Variants in NF1 observed in about 807,000 individuals in gnomAD.
NF1 encodes the protein neurofibromin 1.
Under a neutral mutation model 325.7 loss-of-function variants are expected in NF1, and 122 were observed. The ratio of observed to expected loss-of-function variants is 0.37; its 90% confidence interval spans 0.32 to 0.44. NF1 has a LOEUF of 0.44. NF1 is among the 20% of genes least tolerant of loss of function. The pLI is 1.00. For synonymous variants in NF1, 1,091 were observed against 1,186.0 expected (o/e 0.92, Z 1.65); for missense variants, 2,140 against 3,415.4 (o/e 0.63, Z 9.31).
rs1555536339 is a variant in NF1, at chr17:31,352,269, G to T, written c.7470G>T (p.Glu2490Asp). 6.2e-7 allele frequency: 1 copy of T among 1,613,986 alleles called. No individual in the cohort carries two copies. Among genetic ancestry groups the T allele is most frequent in the Non-Finnish European group, 8.5e-7 (1 of 1,179,976 alleles). ...HGDPSYRTLK[E>D]TQPWSSPKGS... ...TTTCATCTTTCAGGACACTAAAGGA[G>T]ACTCAGCCATGGTCCTCTCCCAAAG... Residue 2490 changes from glutamate to aspartate, a missense_variant, in exon 51 of 58, where the codon GAG (glutamate) becomes GAT (aspartate). By Grantham distance (45) the Glu-to-Asp change is conservative (BLOSUM62 2). Coordinates refer to ENST00000358273, the MANE Select transcript of NF1 (RefSeq NM_001042492.3).
At chr17:31,232,235 C>T (rs1175183732) in intron 25 of NF1, 46 bp downstream of exon 25, 2 of 1,131,426 alleles carry the variant, frequency 1.8e-6, no homozygotes, top group Non-Finnish European at 2.7e-6. Context: ...GCAAATAAAG[C>T]CCCCCACCAC....
intron 30 of NF1, chr17:31,250,629 A>T (rs941790935): frequency 5.1e-6 from 1 of 194,960 alleles, no homozygotes; most frequent in Non-Finnish European, 1.1e-5. Context: ...TGAGACCATG[A>T]TTCTAATAAT....
Position 31,265,340 on chromosome 17 carries a change from G to A in NF1, c.4835+1G>A, listed in dbSNP as rs1085307819. ...CTATTTTTTATTATGTTGCACGGAG[G>A]TAAGAAATACTATGTTTTGGGTCTC... On this transcript the variant is annotated splice_donor_variant, in intron 36 of 57. Transcript: ENST00000358273. LOFTEE classifies it high-confidence loss of function. The A allele has an allele frequency of 6.2e-7, 1 of 1,601,188 alleles. No homozygotes were observed. The highest frequency in any genetic ancestry group is 1.7e-5 in the Admixed American group (1 of 59,974).
chr17:31,170,037 G>C, intron 5 of NF1, 40 bp downstream of exon 5: 1 of 1,291,550 alleles, frequency 7.7e-7, no homozygotes. Context: ...AAAATCACTG[G>C]GTCAAAAACT....
intron 30 of NF1, chr17:31,252,392 G>T (rs1284546209): frequency 5.1e-6 from 1 of 197,716 alleles, no homozygotes; most frequent in South Asian, 1.9e-4. Flanking sequence ...AGAGAGAGAG[G>T]TCTTTAATTC....
At chr17:31,214,392 G>C (rs2143957530) in intron 12 of NF1, 59 bp from the exon 13 acceptor site, 1 of 1,338,760 alleles carries the variant, frequency 7.5e-7, no homozygotes, top group Non-Finnish European at 1.1e-6. Flanking sequence ...CTTTTAAAAG[G>C]TTGGATAGCT....
chr17:31,347,015 T>C (rs1269629104), intron 48 of NF1, among the ~76,000 whole-genome samples: 1 of 151,166 alleles, frequency 6.6e-6, no homozygotes, highest in Non-Finnish European at 1.5e-5. Flanking sequence ...ACTGTTCCTT[T>C]CTTTTATTGT....
At chr17:31,264,371 A>T (rs2067748919) in intron 35 of NF1, among the ~76,000 whole-genome samples, 1 of 151,768 alleles carries the variant, frequency 6.6e-6, no homozygotes. Flanking sequence ...AGATCGTGCC[A>T]CTGCACTCCA....
chr17:31,141,950 T>C (rs1160617039), intron 1 of NF1, among the ~76,000 whole-genome samples: 2 of 152,194 alleles, frequency 1.3e-5, no homozygotes, highest in Non-Finnish European at 2.9e-5. Context: ...TTGTTTTTTC[T>C]CTCATTTAGG....
chr17:31,122,727 C>T (rs148697406), intron 1 of NF1, among the ~76,000 whole-genome samples: 24 of 152,206 alleles, frequency 1.6e-4, no homozygotes, highest in African/African-American at 5.5e-4. Flanking sequence ...TTTGTAATCT[C>T]AATTGAAGGT....
rs1042950191 is a variant in NF1 at position 31,338,871 on chromosome 17, A to G, written c.6921+66A>G. Reference sequence around the variant, plus strand: ...TCAGTGTTGAATGTTACTTTCTTTCAAAGAGTTTAGAAAATAAGATGAATT... The same window carrying G: ...TCAGTGTTGAATGTTACTTTCTTTCGAAGAGTTTAGAAAATAAGATGAATT... On this transcript the variant is annotated intron_variant, in intron 46 of 57. Coordinates refer to ENST00000358273, the MANE Select transcript of NF1 (RefSeq NM_001042492.3). 12 of 1,028,912 alleles carry G rather than the reference A, an allele frequency of 1.2e-5. No individual in the cohort carries two copies. The African/African-American group carries it at 1.3e-4, about 11-fold the overall frequency. The allele number at this position is 1,028,912 out of a possible 1,614,324, so 63.7% of individuals were successfully genotyped here. A position where few individuals can be genotyped will look rare whatever the true frequency, so the allele number is the denominator to read the frequency against.
intron 29 of NF1, among the ~76,000 whole-genome samples, chr17:31,238,849 C>CGG (rs2067247178): frequency 1.3e-5 from 2 of 151,906 alleles, no homozygotes; most frequent in South Asian, 4.1e-4. Context: ...TCCCAGTTAA[C>CGG]GGGGAAACCC....
At chr17:31,200,118 A>C (rs1314977495) in intron 8 of NF1, among the ~76,000 whole-genome samples, 1 of 151,886 alleles carries the variant, frequency 6.6e-6, no homozygotes, top group East Asian at 1.9e-4. Flanking sequence ...CCTGGGCAAC[A>C]GAGGAAGACA....
At position 31,262,363 on chromosome 17, in the gene NF1, G is replaced by A. The variant is rs17886552; in HGVS notation, c.4724+506G>A. Among the ~76,000 whole-genome samples the A allele has an allele frequency of 3.2e-3, 487 of 152,292 alleles. 1 individual carries two copies. Among genetic ancestry groups the A allele is most frequent in the Non-Finnish European group, 5.0e-3 (342 of 68,010 alleles). On this transcript the variant is annotated intron_variant, in intron 35 of 57. Transcript: ENST00000358273. The stretch of plus-strand genomic sequence containing the variant: ...TGCTATAAAATTTCTGTGGACATTT[G>A]TTTGAATCCCATTTAGTGGGATTTA...
At chr17:31,101,855 G>A (rs1912369451) in intron 1 of NF1, among the ~76,000 whole-genome samples, 2 of 151,958 alleles carry the variant, frequency 1.3e-5, no homozygotes, top group African/African-American at 4.8e-5. Flanking sequence ...GCTTGGCTTT[G>A]TTTTCTTTTT....
At chr17:31,174,348 C>G in intron 5 of NF1, among the ~76,000 whole-genome samples, 1 of 152,130 alleles carries the variant, frequency 6.6e-6, no homozygotes, top group East Asian at 1.9e-4. Flanking sequence ...AAGGCACTTT[C>G]GTATGCTGCT....
intron 3 of NF1, among the ~76,000 whole-genome samples, chr17:31,160,913 G>C (rs575324713): frequency 6.6e-6 from 1 of 152,174 alleles, no homozygotes; most frequent in East Asian, 1.9e-4. Context: ...ATCTTGCCGT[G>C]CTCTACTGTT....
intron 39 of NF1, among the ~76,000 whole-genome samples, chr17:31,334,193 G>T (rs1199971531): frequency 8.4e-6 from 1 of 119,428 alleles, no homozygotes; most frequent in African/African-American, 2.6e-5. Flanking sequence ...GGAGGCTGAG[G>T]CAGGAGAATG....
At chr17:31,373,632 G>A (rs941395620) in intron 57 of NF1, among the ~76,000 whole-genome samples, 6 of 152,208 alleles carry the variant, frequency 3.9e-5, no homozygotes, top group East Asian at 1.9e-4. Flanking sequence ...GTCATGTGCT[G>A]CATAACAACA....
Sources: gnomAD v4.1 joint callset for allele counts (sites outside exome capture counted in the v4.1 genomes callset) on GRCh38, gnomAD v4.1.1 for gene constraint, MANE v1.5 for transcripts, NCBI Gene and HGNC (gene_info 2026-07-23, HGNC 2026-07-21) for gene names.